CENPI: variants seen among roughly 807,000 people sequenced by gnomAD.
CENPI encodes FSH primary response 1.
In CENPI, 4 loss-of-function variants were observed where a neutral mutation model predicts 60.4. The ratio of observed to expected loss-of-function variants is 0.07; its 90% CI spans 0.03 to 0.15. CENPI has a LOEUF of 0.15. CENPI is among the 10% of genes least tolerant of loss of function. The pLI, the probability that CENPI is intolerant of heterozygous loss-of-function variation, is 1.00. For synonymous variants in CENPI, 157 were observed against 189.4 expected (o/e 0.83, Z 1.40); for missense variants, 444 against 534.5 (o/e 0.83, Z 1.67).
intron 20 of CENPI, among the ~76,000 whole-genome samples, chrX:101,157,302 A>C (rs1008479161): frequency 4.5e-5 from 5 of 111,378 alleles, no homozygotes. Context: ...CAGGAGAAGA[A>C]GCTTAACTCA....
chrX:101,124,291 C>G (rs943949562), intron 8 of CENPI, among the ~76,000 whole-genome samples: 1 of 110,846 alleles, frequency 9.0e-6, no homozygotes, highest in African/African-American at 3.3e-5. Flanking sequence ...GGAAGAACTG[C>G]TGTTGCAAAT....
intron 12 of CENPI, 35 bp from the exon 13 acceptor site, chrX:101,129,947 C>A: frequency 1.1e-6 from 1 of 951,285 alleles, no homozygotes; most frequent in African/African-American, 1.9e-5. Context: ...TATTGTGGTA[C>A]AACTAGATGC....
rs1472759119 is a variant in CENPI at position 101,128,826 on chromosome X, A to G, written c.1185A>G (p.Thr395=). The G allele has an allele frequency of 4.1e-6, 5 of 1,208,083 alleles. No individual in the cohort carries two copies. The highest frequency in any genetic ancestry group is 1.8e-5 in the South Asian group (1 of 56,595). The change falls in exon 12 of 22, where the codon ACA becomes ACG. Residue 395 remains threonine (T), a synonymous_variant. Coordinates refer to ENST00000682095, the MANE Select transcript of CENPI (RefSeq NM_001386188.2). Reference sequence around the variant, plus strand: ...GGTTTTATTACTGGTTGAGTCAAACATTACAAGAAGGTAAGAATTGAGTGA... The same window carrying G: ...GGTTTTATTACTGGTTGAGTCAAACGTTACAAGAAGGTAAGAATTGAGTGA... The part of the protein sequence containing the change: ...LLRFYYWLSQ[T]LQEECIWYKV...
chrX:101,114,082 C>A (rs1269249650), intron 6 of CENPI, among the ~76,000 whole-genome samples: 1 of 111,825 alleles, frequency 8.9e-6, no homozygotes, highest in Admixed American at 9.5e-5. Context: ...CATGGCGAAA[C>A]CCCATCTCTA....
chrX:101,175,117 C>CA, the CENPI span, among the ~76,000 whole-genome samples: 533 of 110,911 alleles, frequency 4.8e-3, 1 homozygote, highest in African/African-American at 0.016. Flanking sequence ...ACAACAACAA[C>CA]AAAAAAAACC....
rs1235446494 is a variant in CENPI, at chrX:101,165,529, G to A, written c.*2562G>A. 8.9e-6 allele frequency among the ~76,000 whole-genome samples: 1 copy of A among 112,173 alleles called. No homozygotes were observed. Among genetic ancestry groups the A allele is most frequent in the Non-Finnish European group, 1.9e-5 (1 of 53,257 alleles). On this transcript the variant is annotated 3_prime_UTR_variant, in exon 22 of 22. Transcript: ENST00000682095. ...TTGGCTATGTTAGGTTGGAAATGCT[G>A]TGTAGGCAATTGGATATCCAAGTCT... is the stretch of plus-strand genomic sequence containing the variant.
At chrX:101,144,446 G>A (rs1192675227) in intron 16 of CENPI, among the ~76,000 whole-genome samples, 1 of 102,590 alleles carries the variant, frequency 9.7e-6, no homozygotes, top group Non-Finnish European at 2.0e-5. Flanking sequence ...GTGAGGTGGT[G>A]CACTCTCGCT....
intron 2 of CENPI, among the ~76,000 whole-genome samples, chrX:101,099,424 A>T: frequency 1.1e-5 from 1 of 87,902 alleles, no homozygotes; most frequent in Non-Finnish European, 2.3e-5. Context: ...ACAGAGTGAG[A>T]CTGTCTCAAA....
downstream of CENPI, among the ~76,000 whole-genome samples, chrX:101,168,186 G>A (rs140832454): frequency 3.9e-3 from 437 of 112,931 alleles, 3 homozygotes; most frequent in Middle Eastern, 0.014. Flanking sequence ...TTTGCTATTA[G>A]TTCCTGACTA....
At chrX:101,121,947 C>T (rs185171263) in intron 8 of CENPI, among the ~76,000 whole-genome samples, 2 of 107,532 alleles carry the variant, frequency 1.9e-5, no homozygotes, top group East Asian at 3.0e-4. Flanking sequence ...GAACTACAGG[C>T]GCGCACCACC....
intron 15 of CENPI, 152 bp from the exon 16 acceptor site, chrX:101,140,514 T>C: frequency 2.1e-6 from 1 of 468,525 alleles, no homozygotes; most frequent in Non-Finnish European, 3.8e-6. Context: ...GTCTGTCTTC[T>C]GGAGACTAAT....
intron 5 of CENPI, 45 bp from the exon 6 acceptor site, chrX:101,109,846 A>T: frequency 1.1e-6 from 1 of 946,204 alleles, no homozygotes; most frequent in South Asian, 2.0e-5. Flanking sequence ...ACTCTTCTGT[A>T]CCAGTTATAT....
At chrX:101,143,349 CAG>C (rs1390189921) in intron 16 of CENPI, among the ~76,000 whole-genome samples, 1 of 111,296 alleles carries the variant, frequency 9.0e-6, no homozygotes, top group African/African-American at 3.3e-5. Flanking sequence ...GATTGAAGGA[CAG>C]GGGTGAGTAG....
chrX:101,152,229 A>AT (rs987272952), intron 20 of CENPI, among the ~76,000 whole-genome samples: 9 of 107,035 alleles, frequency 8.4e-5, no homozygotes, highest in African/African-American at 2.7e-4. Context: ...TGCCTGGCTA[A>AT]TTTTTTTGTA....
chrX:101,140,083 G>A (rs765191890), intron 15 of CENPI, among the ~76,000 whole-genome samples: 40 of 111,552 alleles, frequency 3.6e-4, no homozygotes, highest in South Asian at 1.1e-3. Context: ...TGATCCGCCC[G>A]CCTCGGCCTC....
chrX:101,109,075 G>GTTTTTTTTTTTTTTTTTTTTTTT (rs869245080), intron 4 of CENPI, among the ~76,000 whole-genome samples: 1 of 47,318 alleles, frequency 2.1e-5, no homozygotes, highest in Non-Finnish European at 3.8e-5. Context: ...GAGGTGTGGT[G>GTTTTTTTTTTTTTTTTTTTTTTT]TTTTTTTTTT....
rs143990100 is a variant in CENPI at position 101,136,638 on chromosome X, G to A, written c.1471-4028G>A. Among the ~76,000 whole-genome samples, 506 of 111,699 alleles carry A rather than the reference G, an allele frequency of 4.5e-3. 2 individuals carry two copies. The highest frequency in any genetic ancestry group is 0.016 in the African/African-American group (484 of 30,779). On this transcript the variant is annotated intron_variant, in intron 15 of 21. Coordinates refer to ENST00000682095, the MANE Select transcript of CENPI (RefSeq NM_001386188.2). ...TGGGCCTGGTCAGTTATGCCTATCAGCAAACAACTTATTTTCACCGAAGAA... is the reference window on the plus strand; with the variant it reads ...TGGGCCTGGTCAGTTATGCCTATCAACAAACAACTTATTTTCACCGAAGAA...
At chrX:101,122,779 G>T (rs1034072509) in intron 8 of CENPI, among the ~76,000 whole-genome samples, 2 of 111,574 alleles carry the variant, frequency 1.8e-5, no homozygotes, top group African/African-American at 6.5e-5. Context: ...GGGAGGCTGA[G>T]GCAGGAGAAT....
In CENPI at chrX:101,120,420, T is replaced by G. The variant is rs1299926353; in HGVS notation, c.610T>G (p.Leu204Val). Residue 204 changes from leucine (L) to valine (V), a missense_variant, in exon 7 of 22, where the codon TTG (leucine) becomes GTG (valine). Transcript: ENST00000682095. ...DDALCPYVCH[L>V]LYLLTKKENV... ...TTAACAGTGCCCTTATGTTTGCCAT[T>G]TGTTATATTTACTTACCAAAAAAGA... 1.0e-6 allele frequency: 1 copy of G among 954,802 alleles called. No individual in the cohort carries two copies. Among genetic ancestry groups the G allele is most frequent in the African/African-American group, 1.9e-5 (1 of 52,549 alleles). 78.7% of individuals were successfully genotyped at this position (954,802 alleles called of 1,213,427 possible).
Sources: gnomAD v4.1 joint callset for allele counts (sites outside exome capture counted in the v4.1 genomes callset) on GRCh38, gnomAD v4.1.1 for gene constraint, MANE v1.5 for transcripts, NCBI Gene and HGNC (gene_info 2026-07-23, HGNC 2026-07-21) for gene names.